ANKS1B: variants seen among roughly 807,000 people sequenced by gnomAD.
ANKS1B encodes the protein ankyrin repeat and sterile alpha motif domain-containing protein 1B.
ANKS1B carries 36 observed loss-of-function variants against 148.3 expected under a neutral mutation model. That is an observed-to-expected ratio of 0.24 (90% CI 0.19 to 0.32). The LOEUF (loss-of-function observed/expected upper bound fraction) is 0.32, where lower values mean the gene tolerates loss of function less well. Ranked by LOEUF, ANKS1B falls within the 10% of genes least tolerant of loss-of-function variation. The pLI is 1.00. For synonymous variants in ANKS1B, 542 were observed against 560.8 expected (o/e 0.97, Z 0.47); for missense variants, 1,157 against 1,542.6 (o/e 0.75, Z 4.19).
chr12:99,578,547 T>A (rs2097540108), intron 9 of ANKS1B, among the ~76,000 whole-genome samples: 1 of 152,082 alleles, frequency 6.6e-6, no homozygotes, highest in Non-Finnish European at 1.5e-5. Context: ...AGCATTTCTA[T>A]ACACCAATAA....
At chr12:99,894,039 G>C (rs1233343314) in intron 1 of ANKS1B, among the ~76,000 whole-genome samples, 1 of 152,090 alleles carries the variant, frequency 6.6e-6, no homozygotes, top group East Asian at 1.9e-4. Context: ...AGGCTGAAAA[G>C]TGAAAACCTG....
chr12:99,665,637 C>T (rs1490614400), intron 8 of ANKS1B, among the ~76,000 whole-genome samples: 1 of 152,164 alleles, frequency 6.6e-6, no homozygotes, highest in East Asian at 1.9e-4. Flanking sequence ...CAGGCGCCCA[C>T]CACCACGCCC....
chr12:99,302,322 C>T (rs1602601081), intron 12 of ANKS1B, among the ~76,000 whole-genome samples: 1 of 152,074 alleles, frequency 6.6e-6, no homozygotes, highest in East Asian at 1.9e-4. Flanking sequence ...CTAAAACATG[C>T]TTTATGCACT....
chr12:98,745,702 C>T lies in ANKS1B; in HGVS notation c.*37G>A, dbSNP rs2097865234. ...GAAAGCCTGCTCCGGGACCGCTTGG[C>T]GAGCAAGGCACCGCGAGGACAGGAG... is the stretch of plus-strand genomic sequence containing the variant. On this transcript the variant is annotated 3_prime_UTR_variant, in exon 27 of 27. Transcript: ENST00000683438. The T allele has an allele frequency of 1.9e-6, 3 of 1,607,614 alleles. No homozygotes were observed. Among genetic ancestry groups the T allele is most frequent in the Non-Finnish European group, 2.5e-6 (3 of 1,176,614 alleles).
At chr12:99,475,051 A>G (rs1185996955) in intron 10 of ANKS1B, among the ~76,000 whole-genome samples, 1 of 151,828 alleles carries the variant, frequency 6.6e-6, no homozygotes, top group Non-Finnish European at 1.5e-5. Flanking sequence ...AGCCTGGCCA[A>G]CATGGTGAAA....
chr12:99,706,972 T>C (rs894580458), intron 8 of ANKS1B, among the ~76,000 whole-genome samples: 1 of 152,106 alleles, frequency 6.6e-6, no homozygotes, highest in African/African-American at 2.4e-5. Context: ...ACCTTGATTC[T>C]AGTCTTGTGA....
intron 17 of ANKS1B, among the ~76,000 whole-genome samples, chr12:98,985,699 T>G (rs547380220): frequency 1.3e-5 from 2 of 152,268 alleles, no homozygotes; most frequent in African/African-American, 4.8e-5. Context: ...ATTTTACTTC[T>G]AAGATGTTGT....
chr12:99,102,249 G>A (rs959599805), intron 15 of ANKS1B, among the ~76,000 whole-genome samples: 12 of 152,126 alleles, frequency 7.9e-5, no homozygotes, highest in African/African-American at 2.9e-4. Context: ...GACCCCAGGA[G>A]GAGTTTTCCA....
intron 17 of ANKS1B, among the ~76,000 whole-genome samples, chr12:98,928,109 A>G (rs544524005): frequency 2.6e-5 from 4 of 151,648 alleles, no homozygotes; most frequent in African/African-American, 9.7e-5. Flanking sequence ...AAGAGGGGAT[A>G]TTGGCTGTGC....
chr12:99,732,983 A>T (rs763281197), intron 8 of ANKS1B, among the ~76,000 whole-genome samples: 19 of 151,644 alleles, frequency 1.3e-4, no homozygotes, highest in Admixed American at 1.3e-3. Flanking sequence ...AATAATTATC[A>T]TACTATTTCA....
At chr12:99,093,626 T>C (rs1338933804) in intron 15 of ANKS1B, 1 of 152,098 alleles carries the variant, frequency 6.6e-6, no homozygotes, top group Non-Finnish European at 1.5e-5. Flanking sequence ...AGAGAGTGAG[T>C]TGCAGTCTCC....
At position 99,246,431 on chromosome 12, in the gene ANKS1B, A is replaced by G. The variant is rs370779787; in HGVS notation, c.2190T>C (p.His730=). 4 of 1,613,704 alleles carry G rather than the reference A, an allele frequency of 2.5e-6. No homozygotes were observed. The highest frequency in any genetic ancestry group is 2.7e-5 in the African/African-American group (2 of 74,892). Residue 730 remains histidine (H), a synonymous_variant, in exon 13 of 27, where the codon CAT becomes CAC. Transcript: ENST00000683438. ...CAGATTTAGAGACACTTTTTGACAA[A>G]TGCATGTCGATCAAGGCTTTAGGCA... ...RSLPKALIDM[H]LSKSVSKSDS... is the part of the protein sequence containing the mutation.
intron 14 of ANKS1B, among the ~76,000 whole-genome samples, chr12:99,218,568 C>T (rs558183493): frequency 6.6e-6 from 1 of 152,262 alleles, no homozygotes; most frequent in East Asian, 1.9e-4. Context: ...TGTCCCCAAC[C>T]CCCTGGAAAG....
chr12:99,156,432 C>T (rs2076062117), intron 14 of ANKS1B, among the ~76,000 whole-genome samples: 1 of 152,176 alleles, frequency 6.6e-6, no homozygotes, highest in Non-Finnish European at 1.5e-5. Flanking sequence ...TACTCCCTGT[C>T]TCAAAACCCT....
intron 17 of ANKS1B, among the ~76,000 whole-genome samples, chr12:98,862,950 G>A (rs192679725): frequency 6.6e-6 from 1 of 152,288 alleles, no homozygotes; most frequent in African/African-American, 2.4e-5. Context: ...TGCATTTCAT[G>A]GTCCAATATA....
intron 4 of ANKS1B, 86 bp downstream of exon 4, chr12:99,806,318 A>C (rs2067638939): frequency 6.7e-7 from 1 of 1,500,018 alleles, no homozygotes; most frequent in South Asian, 1.2e-5. Context: ...TGATTAAAAG[A>C]TTTCTACATA....
chr12:99,516,585 G>A (rs936189418), intron 9 of ANKS1B, among the ~76,000 whole-genome samples: 1 of 152,032 alleles, frequency 6.6e-6, no homozygotes, highest in Non-Finnish European at 1.5e-5. Flanking sequence ...CCAGGACCCT[G>A]TCAGGGAGGC....
At chr12:99,193,132 A>G (rs2153885973) in intron 14 of ANKS1B, among the ~76,000 whole-genome samples, 1 of 152,298 alleles carries the variant, frequency 6.6e-6, no homozygotes, top group South Asian at 2.1e-4. Context: ...AATAAATTAT[A>G]TATACCTTTA....
At chr12:98,894,988 G>T in intron 17 of ANKS1B, 4 of 766,562 alleles carry the variant, frequency 5.2e-6, no homozygotes, top group Non-Finnish European at 6.3e-6. Context: ...CTGCCCTGGC[G>T]GCAGCGGCGG....
Sources: gnomAD v4.1 joint callset for allele counts (sites outside exome capture counted in the v4.1 genomes callset) on GRCh38, gnomAD v4.1.1 for gene constraint, MANE v1.5 for transcripts, NCBI Gene and HGNC (gene_info 2026-07-23, HGNC 2026-07-21) for gene names.